Variants in PTPRD observed in about 807,000 individuals in gnomAD.
PTPRD encodes the protein protein tyrosine phosphatase receptor type D.
Under a neutral mutation model 214.5 loss-of-function variants are expected in PTPRD, and 34 were observed. That is an observed-to-expected ratio of 0.16 (90% CI 0.12 to 0.21). The LOEUF is 0.21. Among genes scored for constraint, PTPRD ranks in the 10% least tolerant of loss-of-function variants. The probability of loss-of-function intolerance (pLI) is 1.00; values close to 1 mark genes in which losing one functional copy is unlikely to be tolerated. For synonymous variants in PTPRD, 1,128 were observed against 845.7 expected (o/e 1.33, Z -5.79); for missense variants, 2,545 against 2,398.7 (o/e 1.06, Z -1.27).
chr9:10,122,360 T>C (rs992817883), intron 3 of PTPRD, among the ~76,000 whole-genome samples: 1 of 152,090 alleles, frequency 6.6e-6, no homozygotes, highest in African/African-American at 2.4e-5. Context: ...AAATACCACA[T>C]TTAGAAAGTC....
chr9:8,556,914 C>T (rs1447175197), intron 14 of PTPRD, among the ~76,000 whole-genome samples: 1 of 152,028 alleles, frequency 6.6e-6, no homozygotes, highest in Non-Finnish European at 1.5e-5. Flanking sequence ...TAAAAGGTCC[C>T]GAGTTGACCT....
intron 11 of PTPRD, among the ~76,000 whole-genome samples, chr9:8,784,382 A>C (rs952885394): frequency 6.6e-6 from 1 of 152,186 alleles, no homozygotes; most frequent in Non-Finnish European, 1.5e-5. Flanking sequence ...TCAATCTTTC[A>C]CAATGAAGTA....
intron 44 of PTPRD, among the ~76,000 whole-genome samples, chr9:8,321,479 G>GTA (rs1265617885): frequency 1.7e-4 from 10 of 58,114 alleles, no homozygotes; most frequent in African/African-American, 5.8e-4. Flanking sequence ...GTGTGTGTGT[G>GTA]TGTGTGTGTA....
chr9:8,629,804 C>T (rs755251063), intron 14 of PTPRD, among the ~76,000 whole-genome samples: 4 of 151,780 alleles, frequency 2.6e-5, no homozygotes, highest in Non-Finnish European at 5.9e-5. Flanking sequence ...TCTCCTACTT[C>T]TTTCGTGAAC....
At chr9:10,314,623 T>C (rs2096370999) in intron 3 of PTPRD, among the ~76,000 whole-genome samples, 1 of 151,870 alleles carries the variant, frequency 6.6e-6, no homozygotes. Context: ...TTTCATTGTG[T>C]CAGTGAGAAA....
intron 4 of PTPRD, among the ~76,000 whole-genome samples, chr9:9,984,685 T>A (rs1215289001): frequency 2.0e-5 from 3 of 152,034 alleles, no homozygotes; most frequent in Non-Finnish European, 4.4e-5. Context: ...AGCAGGTGAA[T>A]TGATACAATA....
chr9:9,211,971 A>G (rs1438406486), intron 9 of PTPRD, among the ~76,000 whole-genome samples: 3 of 152,144 alleles, frequency 2.0e-5, no homozygotes, highest in Admixed American at 6.6e-5. Flanking sequence ...TGTCTCCCCA[A>G]GTTTAATGAA....
chr9:8,733,817 C>T lies in PTPRD; in HGVS notation c.27G>A (p.Leu9=), dbSNP rs2154434830. The change falls in exon 12 of 46, where the codon CTG becomes CTA. Residue 9 remains leucine, a synonymous_variant. Transcript: ENST00000381196. MVHVARLL[L]LLLTFFLRTD... ...TGCGGAGGAAGAAAGTGAGGAGCAGCAGCAGCAGCCTGGCTACGTGCACCA... is the reference window on the plus strand; with the variant it reads ...TGCGGAGGAAGAAAGTGAGGAGCAGTAGCAGCAGCCTGGCTACGTGCACCA... 6.4e-7 allele frequency: 1 copy of T among 1,552,886 alleles called. No homozygotes were observed. Among genetic ancestry groups the T allele is most frequent in the Non-Finnish European group, 8.7e-7 (1 of 1,147,656 alleles).
At chr9:8,668,790 T>A (rs1287266361) in intron 12 of PTPRD, among the ~76,000 whole-genome samples, 1 of 152,198 alleles carries the variant, frequency 6.6e-6, no homozygotes, top group East Asian at 1.9e-4. Context: ...TTTCTTAGTC[T>A]CAAAATTGTG....
intron 3 of PTPRD, among the ~76,000 whole-genome samples, chr9:10,162,125 C>T (rs550591130): frequency 1.1e-4 from 17 of 151,710 alleles, no homozygotes; most frequent in Admixed American, 3.3e-4. Context: ...CTGTGGATAA[C>T]TGTATGAAGG....
intron 25 of PTPRD, 59 bp from the exon 26 acceptor site, chr9:8,497,327 C>T: frequency 2.8e-6 from 4 of 1,425,982 alleles, no homozygotes; most frequent in Non-Finnish European, 2.9e-6. Context: ...GAATTTAAAG[C>T]CTTATACAGG....
chr9:9,243,434 T>A (rs2099971416), intron 9 of PTPRD, among the ~76,000 whole-genome samples: 1 of 152,072 alleles, frequency 6.6e-6, no homozygotes, highest in African/African-American at 2.4e-5. Flanking sequence ...TCAAAAAGCT[T>A]ATCCACCATA....
chr9:8,758,668 T>A (rs1362191993), intron 11 of PTPRD, among the ~76,000 whole-genome samples: 1 of 152,206 alleles, frequency 6.6e-6, no homozygotes, highest in Non-Finnish European at 1.5e-5. Flanking sequence ...TGTCAATATT[T>A]ATGGAGCTCA....
intron 5 of PTPRD, among the ~76,000 whole-genome samples, chr9:9,791,365 A>G (rs983753779): frequency 3.3e-5 from 5 of 152,160 alleles, no homozygotes; most frequent in African/African-American, 1.2e-4. Flanking sequence ...AGACTTTAAA[A>G]GATGGTAAAT....
chr9:9,909,322 T>TG (rs1808051629), intron 5 of PTPRD, among the ~76,000 whole-genome samples: 1 of 151,758 alleles, frequency 6.6e-6, no homozygotes, highest in Admixed American at 6.6e-5. Flanking sequence ...TGAAAGTTTT[T>TG]TTTTTTTTTT....
intron 3 of PTPRD, among the ~76,000 whole-genome samples, chr9:10,268,213 C>G (rs556261688): frequency 4.3e-4 from 65 of 149,962 alleles, no homozygotes; most frequent in African/African-American, 1.5e-3. Flanking sequence ...TCGCTTGAAC[C>G]CAGGAGTTGC....
At chr9:9,940,409 A>T (rs1357490553) in intron 4 of PTPRD, among the ~76,000 whole-genome samples, 4 of 152,128 alleles carry the variant, frequency 2.6e-5, no homozygotes, top group Non-Finnish European at 1.5e-5. Flanking sequence ...GGGGAATAGG[A>T]TAGGAAAGAA....
chr9:8,742,821 G>C (rs2092232008), intron 11 of PTPRD, among the ~76,000 whole-genome samples: 1 of 152,034 alleles, frequency 6.6e-6, no homozygotes, highest in Non-Finnish European at 1.5e-5. Context: ...ATATTTATTG[G>C]TAGCTCCATC....
At chr9:10,411,489 A>G (rs535855531) in intron 2 of PTPRD, among the ~76,000 whole-genome samples, 1 of 151,880 alleles carries the variant, frequency 6.6e-6, no homozygotes, top group Admixed American at 6.6e-5. Flanking sequence ...CTGCTCTTTG[A>G]TGCCCAGAAT....
Sources: gnomAD v4.1 joint callset for allele counts (sites outside exome capture counted in the v4.1 genomes callset) on GRCh38, gnomAD v4.1.1 for gene constraint, MANE v1.5 for transcripts, NCBI Gene and HGNC (gene_info 2026-07-23, HGNC 2026-07-21) for gene names.